The following VAV2 variants were observed in gnomAD, a reference collection of about 807,000 sequenced individuals.
VAV2 encodes the protein guanine nucleotide exchange factor VAV2.
In VAV2, 67 loss-of-function variants were observed where a neutral mutation model predicts 132.5. That is an observed-to-expected ratio of 0.51 (90% CI 0.42 to 0.62). The LOEUF (loss-of-function observed/expected upper bound fraction) is 0.62. Among genes scored for constraint, VAV2 ranks in the 20% least tolerant of loss-of-function variants. The pLI, the probability that VAV2 is intolerant of heterozygous loss-of-function variation, is 0.00. For missense variants in VAV2, 938 were observed against 1,153.6 expected, an observed-to-expected ratio of 0.81 and a Z score of 2.71; for synonymous variants, 492 against 443.5, an observed-to-expected ratio of 1.11 and a Z score of -1.37.
intron 3 of VAV2, among the ~76,000 whole-genome samples, chr9:133,836,936 C>G (rs1836494613): frequency 2.0e-5 from 3 of 152,202 alleles, no homozygotes; most frequent in Admixed American, 1.3e-4. Context: ...ACACAGGGCT[C>G]TACTCCTCCA....
At chr9:133,872,974 G>A (rs1193143796) in intron 2 of VAV2, among the ~76,000 whole-genome samples, 3 of 151,964 alleles carry the variant, frequency 2.0e-5, no homozygotes, top group East Asian at 3.9e-4. Context: ...TTAGCCAGGT[G>A]TGGTGGTGTG....
intron 1 of VAV2, among the ~76,000 whole-genome samples, chr9:133,979,344 C>G (rs1487553254): frequency 6.6e-6 from 1 of 152,172 alleles, no homozygotes; most frequent in East Asian, 1.9e-4. Flanking sequence ...CTGAACGCGG[C>G]TGTCAGAGGC....
chr9:133,791,729 T>G, intron 13 of VAV2, 54 bp downstream of exon 13: 1 of 1,498,860 alleles, frequency 6.7e-7, no homozygotes. Context: ...GAACGTGACT[T>G]TATAGGTACG....
At chr9:133,911,887 T>C (rs184037440) in intron 2 of VAV2, among the ~76,000 whole-genome samples, 1 of 152,312 alleles carries the variant, frequency 6.6e-6, no homozygotes, top group East Asian at 1.9e-4. Context: ...GCCCCACAGG[T>C]CAGGATTGCC....
At chr9:133,943,848 T>C (rs1432385292) in intron 1 of VAV2, among the ~76,000 whole-genome samples, 1 of 152,222 alleles carries the variant, frequency 6.6e-6, no homozygotes, top group Admixed American at 6.5e-5. Context: ...GGCCCATTCA[T>C]CGGCAGCCGC....
intron 1 of VAV2, among the ~76,000 whole-genome samples, chr9:133,940,960 T>C (rs868279767): frequency 2.6e-5 from 4 of 150,984 alleles, no homozygotes; most frequent in African/African-American, 2.4e-5. Context: ...GGTTCCAATA[T>C]GGGATCACAC....
chr9:133,886,497 A>G (rs1441340040), intron 2 of VAV2, among the ~76,000 whole-genome samples: 1 of 152,220 alleles, frequency 6.6e-6, no homozygotes, highest in Admixed American at 6.5e-5. Flanking sequence ...GTCCCAGACA[A>G]GAGGAAGCCC....
In VAV2 at chr9:133,769,539, C is replaced by T; in HGVS notation, c.2348-36G>A. On this transcript the variant is annotated intron_variant, in intron 27 of 29. Coordinates refer to ENST00000371850, the MANE Select transcript of VAV2 (RefSeq NM_001134398.2). This position sits in a 1 kb window ranked among gnomAD's most constrained non-coding sequence, Gnocchi z 8.1. ...GCGAGAGAGAACGTGAGGCGGGCAG[C>T]AGGGCATCCACGCACAGTCACGGTG... 1 of 1,587,126 alleles carries T rather than the reference C, an allele frequency of 6.3e-7. No individual in the cohort carries two copies. Among genetic ancestry groups the T allele is most frequent in the South Asian group, 1.1e-5 (1 of 87,400 alleles).
chr9:133,772,159 C>T, intron 25 of VAV2, 113 bp from the exon 26 acceptor site: 3 of 724,068 alleles, frequency 4.1e-6, no homozygotes, highest in East Asian at 2.4e-5. Context: ...GTCCCTGGCC[C>T]CCAGGGCCAC....
chr9:133,859,405 C>T (rs1332189659), intron 3 of VAV2, among the ~76,000 whole-genome samples: 1 of 152,170 alleles, frequency 6.6e-6, no homozygotes, highest in African/African-American at 2.4e-5. Flanking sequence ...GCTGTGGGCA[C>T]CTGTGGCAGG....
chr9:133,930,563 G>A (rs1310635286), intron 2 of VAV2, among the ~76,000 whole-genome samples: 3 of 152,412 alleles, frequency 2.0e-5, no homozygotes, highest in South Asian at 4.1e-4. Flanking sequence ...TAGTCAGAGG[G>A]AAGAGGGCAC....
At chr9:133,849,817 T>C (rs1259072269) in intron 3 of VAV2, among the ~76,000 whole-genome samples, 1 of 152,236 alleles carries the variant, frequency 6.6e-6, no homozygotes, top group African/African-American at 2.4e-5. Context: ...CTCCTCTGCG[T>C]GGTTCTTATA....
intron 10 of VAV2, among the ~76,000 whole-genome samples, chr9:133,797,054 C>A (rs1464703996): frequency 6.6e-6 from 1 of 152,210 alleles, no homozygotes; most frequent in Non-Finnish European, 1.5e-5. Flanking sequence ...GCTGCCTCCA[C>A]CACTGCTAGA....
Position 133,784,355 on chromosome 9 carries a change from G to A in VAV2, c.1596C>T (p.Asp532=). ...NHHSFQMYTF[D]KTTNCKACKM... ...TGCAGGCTTTGCAGTTGGTGGTCTT[G>A]TCAAACGTGTACATCTGGAAACTGT... The change falls in exon 18 of 30, where the codon GAC becomes GAT. Residue 532 remains aspartate, a synonymous_variant. Transcript: ENST00000371850. 6.2e-7 allele frequency: 1 copy of A among 1,614,222 alleles called. No homozygotes were observed. Among genetic ancestry groups the A allele is most frequent in the Non-Finnish European group, 8.5e-7 (1 of 1,180,022 alleles).
chr9:133,877,131 AC>A (rs1454806382), intron 2 of VAV2, among the ~76,000 whole-genome samples: 2 of 150,882 alleles, frequency 1.3e-5, no homozygotes, highest in Non-Finnish European at 3.0e-5. Flanking sequence ...TTCCCACAGA[AC>A]CCCCGCCCGG....
intron 1 of VAV2, among the ~76,000 whole-genome samples, chr9:133,965,688 T>C (rs1266072967): frequency 2.6e-5 from 4 of 152,122 alleles, no homozygotes; most frequent in African/African-American, 7.2e-5. Flanking sequence ...GAATTAATAA[T>C]TTGAAAATGA....
intron 1 of VAV2, among the ~76,000 whole-genome samples, chr9:133,973,715 G>A (rs922147417): frequency 1.3e-5 from 2 of 152,294 alleles, no homozygotes; most frequent in South Asian, 2.1e-4. Context: ...TGACGCCCTC[G>A]CCCTTTGTCC....
At position 133,833,258 on chromosome 9, in the gene VAV2, G is replaced by A. The variant is rs1221273730; in HGVS notation, c.449+1014C>T. ...ATTTTCCTGGGCCCTGCAAGCTAAA[G>A]GCAGCCCTGGATGTGGGCTGAGCAG... On this transcript the variant is annotated intron_variant, in intron 4 of 29. Transcript: ENST00000371850. The surrounding 1 kb of genome is among the most constrained non-coding windows in gnomAD (Gnocchi z 5.6). Among the ~76,000 whole-genome samples, 2 of 152,174 alleles carry A rather than the reference G, an allele frequency of 1.3e-5. No individual in the cohort carries two copies. Among genetic ancestry groups the A allele is most frequent in the Non-Finnish European group, 2.9e-5 (2 of 68,034 alleles).
chr9:133,939,498 T>C (rs1841055504), intron 1 of VAV2, among the ~76,000 whole-genome samples: 1 of 152,028 alleles, frequency 6.6e-6, no homozygotes, highest in Non-Finnish European at 1.5e-5. Context: ...TCTCATCACA[T>C]AGCTGCAAAA....
Sources: allele counts gnomAD v4.1 joint callset (sites outside exome capture counted in the v4.1 genomes callset), GRCh38; gene constraint gnomAD v4.1.1; non-coding constraint Gnocchi (gnomAD v3.1); transcripts MANE v1.5; gene names NCBI Gene and HGNC (gene_info 2026-07-23, HGNC 2026-07-21).